KLK15: variants seen among roughly 807,000 people sequenced by gnomAD.
KLK15 encodes the protein kallikrein related peptidase 15, also known as kallikrein-15.
In KLK15, 19 loss-of-function variants were observed where a neutral mutation model predicts 21.1. The ratio of observed to expected loss-of-function variants is 0.90; its 90% CI spans 0.63 to 1.32. KLK15 has a LOEUF of 1.32. Ranked by LOEUF, KLK15 falls within the 40% of genes most tolerant of loss-of-function variation. The pLI, the probability that KLK15 is intolerant of heterozygous loss-of-function variation, is 0.00. For missense variants in KLK15, 345 were observed against 348.6 expected (o/e 0.99, Z 0.08); for synonymous variants, 141 against 141.5 (o/e 1.00, Z 0.03).
At chr19:50,831,010 T>C (rs1376471484) in intron 1 of KLK15, 1 of 154,228 alleles carries the variant, frequency 6.5e-6, no homozygotes, top group Non-Finnish European at 1.4e-5. Flanking sequence ...GGAGTCTGTC[T>C]GTGCTGTTGG....
chr19:50,830,310 CAG>C (rs1373638221), intron 1 of KLK15, among the ~76,000 whole-genome samples: 2 of 151,868 alleles, frequency 1.3e-5, no homozygotes, highest in Non-Finnish European at 2.9e-5. Flanking sequence ...CCCACCCACA[CAG>C]GGGCAGGATT....
chr19:50,825,323 A>G (rs2089862492), downstream of KLK15: 1 of 153,918 alleles, frequency 6.5e-6, no homozygotes, highest in Non-Finnish European at 1.4e-5. Context: ...AGTTCAGACG[A>G]ATCATCTCAT....
chr19:50,826,767 A>G lies in KLK15; in HGVS notation c.482-10T>C. On this transcript the variant is annotated splice_polypyrimidine_tract_variant and intron_variant, in intron 3 of 4. Coordinates refer to ENST00000598239, the Ensembl canonical transcript of KLK15. ...GTATCTGGGAGACTCACTGGGGAAG[A>G]CAGTGGACTTGGAGCAGATCCATAA... is the stretch of plus-strand genomic sequence containing the variant. 6.2e-7 allele frequency: 1 copy of G among 1,607,848 alleles called. No homozygotes were observed. The highest frequency in any genetic ancestry group is 8.5e-7 in the Non-Finnish European group (1 of 1,177,276).
chr19:50,827,270 A>G, intron 2 of KLK15, 109 bp from the exon 4 acceptor site: 2 of 1,095,340 alleles, frequency 1.8e-6, no homozygotes, highest in Non-Finnish European at 2.6e-6. Flanking sequence ...CCGACCCTTT[A>G]GAAATCTCGA....
At chr19:50,825,912 G>A in exon 5 of KLK15, 2 of 1,613,966 alleles carry the variant, frequency 1.2e-6, no homozygotes, top group Non-Finnish European at 8.5e-7. Flanking sequence ...ATGCCCTGCA[G>A]GATGCCCCCA....
intron 1 of KLK15, among the ~76,000 whole-genome samples, chr19:50,829,834 C>CA (rs1451826349): frequency 6.6e-6 from 1 of 150,994 alleles, no homozygotes; most frequent in Admixed American, 6.6e-5. Context: ...ACCAAACAAA[C>CA]AAAAAAAAGT....
chr19:50,831,339 T>C, intron 1 of KLK15, 111 bp downstream of exon 2: 6 of 733,402 alleles, frequency 8.2e-6, no homozygotes, highest in Non-Finnish European at 1.2e-5. Context: ...GAAGGAAGGA[T>C]CTTTAGTGGT....
rs3212805 is a variant in KLK15, at chr19:50,826,958, G to A, written c.401C>T (p.Pro134Leu). Residue 134 changes from proline (P) to leucine (L), a missense_variant, in exon 3 of 5, where the codon CCG becomes CTG. Pro to Leu is a moderately conservative substitution (Grantham distance 98). Coordinates refer to ENST00000598239, the Ensembl canonical transcript of KLK15. The stretch of plus-strand genomic sequence containing the variant: ...GCCAGACACCACACAGGCCTCCCCC[G>A]GGTGGGGGCAACGCGTGGGTAGCAC... 2,188 of 1,605,356 alleles carry A rather than the reference G, an allele frequency of 1.4e-3. 35 individuals are homozygous for A. The African/African-American group carries it at 0.027, about 19-fold the overall frequency.
chr19:50,825,816 C>T (rs1316682471), exon 5 of KLK15: 3 of 1,613,832 alleles, frequency 1.9e-6, no homozygotes, highest in African/African-American at 2.7e-5. Flanking sequence ...TTCATGGTTT[C>T]CCTGATCCAC....
At chr19:50,832,318 T>TTTTTC (rs1555766925), upstream of KLK15, among the ~76,000 whole-genome samples, 1 of 113,068 alleles carries the variant, frequency 8.8e-6, no homozygotes, top group Non-Finnish European at 1.8e-5. Context: ...CTTTCTTTTT[T>TTTTTC]TTTCTTTTTT....
At chr19:50,831,429 C>A in intron 1 of KLK15, 21 bp downstream of exon 2, 1 of 1,414,802 alleles carries the variant, frequency 7.1e-7, no homozygotes, top group Non-Finnish European at 9.2e-7. Flanking sequence ...CAGACCTGGC[C>A]CCCTCCTGGG....
intron 1 of KLK15, 91 bp downstream of exon 2, chr19:50,831,359 A>G (rs988323158): frequency 2.1e-5 from 19 of 902,800 alleles, no homozygotes; most frequent in Non-Finnish European, 2.7e-5. Context: ...TCTCTGGGTG[A>G]GGTAGGGGCT....
chr19:50,828,741 G>C (rs1304053572), intron 1 of KLK15, among the ~76,000 whole-genome samples: 1 of 151,478 alleles, frequency 6.6e-6, no homozygotes, highest in African/African-American at 2.4e-5. Context: ...GCCGAGGCGG[G>C]TGGATCACCT....
At chr19:50,826,477 A>C in intron 4 of KLK15, 144 bp downstream of exon 5, 1 of 984,722 alleles carries the variant, frequency 1.0e-6, no homozygotes, top group Admixed American at 2.9e-5. Flanking sequence ...CCTCACCCCT[A>C]TTCTAACTTC....
intron 1 of KLK15, chr19:50,831,225 C>T: frequency 2.5e-6 from 1 of 399,316 alleles, no homozygotes; most frequent in South Asian, 7.7e-5. Context: ...GGACCGTGTT[C>T]CTTGTCGTGG....
intron 1 of KLK15, among the ~76,000 whole-genome samples, chr19:50,830,824 C>T (rs960698995): frequency 2.6e-5 from 4 of 152,168 alleles, no homozygotes; most frequent in African/African-American, 7.2e-5. Flanking sequence ...CAAATGAGGT[C>T]GGTGGTGCCC....
intron 4 of KLK15, 132 bp from the exon 6 acceptor site, chr19:50,826,080 A>G (rs1406973453): frequency 2.2e-5 from 19 of 859,272 alleles, no homozygotes; most frequent in African/African-American, 1.7e-5. Flanking sequence ...ACTCAACTCA[A>G]TACAGCCCAG....
rs2089983868 is a variant in KLK15, at chr19:50,831,443, A to G, written c.43+7T>C. ...ACAGACCTGGCCCCCTCCTGGGGCCACCTCACCTGTGGATGCCAGCAGGAA... is the reference window on the plus strand; with the variant it reads ...ACAGACCTGGCCCCCTCCTGGGGCCGCCTCACCTGTGGATGCCAGCAGGAA... On this transcript the variant is annotated splice_region_variant and intron_variant, in intron 1 of 4. Transcript: ENST00000598239. 1 of 1,426,568 alleles carries G rather than the reference A, an allele frequency of 7.0e-7. No individual in the cohort carries two copies. 88.4% of individuals were successfully genotyped at this position (1,426,568 alleles called of 1,614,324 possible). A position where few individuals can be genotyped will look rare whatever the true frequency, so the allele number is the denominator to read the frequency against.
exon 3 of KLK15, chr19:50,827,063 T>C: frequency 6.2e-7 from 1 of 1,606,304 alleles, no homozygotes; most frequent in Non-Finnish European, 8.5e-7. Context: ...GCTGCGCGCT[T>C]CGTAGCGCGG....
Sources: gnomAD v4.1 joint callset for allele counts (sites outside exome capture counted in the v4.1 genomes callset) on GRCh38, gnomAD v4.1.1 for gene constraint, MANE v1.5 for transcripts, NCBI Gene and HGNC (gene_info 2026-07-23, HGNC 2026-07-21) for gene names.